The following CSMD1 variants were observed in gnomAD, a reference collection of about 807,000 sequenced individuals.
CSMD1 encodes the protein CUB and sushi domain-containing protein 1.
A neutral mutation model predicts 417.5 loss-of-function variants in CSMD1; 213 were observed. The ratio of observed to expected loss-of-function variants is 0.51; its 90% confidence interval spans 0.46 to 0.57. The LOEUF (loss-of-function observed/expected upper bound fraction) is 0.57. Ranked by LOEUF, CSMD1 falls within the 20% of genes least tolerant of loss-of-function variation. The pLI, the probability that CSMD1 is intolerant of heterozygous loss-of-function variation, is 0.00. For missense variants in CSMD1, 6,923 were observed against 4,529.7 expected, an observed-to-expected ratio of 1.53 and a Z score of -15.17; for synonymous variants, 2,862 against 1,736.8, an observed-to-expected ratio of 1.65 and a Z score of -16.11.
At chr8:3,156,012 T>A (rs757688009) in intron 39 of CSMD1, among the ~76,000 whole-genome samples, 6 of 152,252 alleles carry the variant, frequency 3.9e-5, no homozygotes, top group African/African-American at 1.2e-4. Flanking sequence ...GAAATTAGGC[T>A]GTCAGAAGAA....
chr8:3,076,763 T>A (rs1357461543), intron 49 of CSMD1, among the ~76,000 whole-genome samples: 1 of 152,222 alleles, frequency 6.6e-6, no homozygotes, highest in Non-Finnish European at 1.5e-5. Context: ...TGATGACAAC[T>A]GTGGCCCAGG....
chr8:4,385,727 C>T (rs541342789), intron 3 of CSMD1, among the ~76,000 whole-genome samples: 3 of 152,122 alleles, frequency 2.0e-5, no homozygotes, highest in Non-Finnish European at 2.9e-5. Context: ...TCAACCCATA[C>T]GTTGAAAATT....
intron 3 of CSMD1, among the ~76,000 whole-genome samples, chr8:4,254,224 T>TAG (rs1364602694): frequency 6.6e-6 from 1 of 152,096 alleles, no homozygotes; most frequent in Non-Finnish European, 1.5e-5. Flanking sequence ...GCCTTTCCTT[T>TAG]TATCTTTAGC....
intron 5 of CSMD1, among the ~76,000 whole-genome samples, chr8:3,826,185 C>T (rs1430232919): frequency 6.6e-6 from 1 of 151,960 alleles, no homozygotes; most frequent in African/African-American, 2.4e-5. Flanking sequence ...GTTGAAAGCC[C>T]TGTGGAGGCC....
chr8:4,532,845 G>C (rs1796902102), intron 2 of CSMD1, among the ~76,000 whole-genome samples: 1 of 148,304 alleles, frequency 6.7e-6, no homozygotes, highest in African/African-American at 2.5e-5. Flanking sequence ...CTCCGGAAAA[G>C]AAATGTTGCA....
At chr8:3,083,467 A>T (rs1294264058) in intron 49 of CSMD1, among the ~76,000 whole-genome samples, 5 of 149,116 alleles carry the variant, frequency 3.4e-5, no homozygotes, top group African/African-American at 1.2e-4. Flanking sequence ...AATTTTTCTG[A>T]TTATATATAT....
chr8:4,718,664 C>A (rs1020590815), intron 1 of CSMD1, among the ~76,000 whole-genome samples: 2 of 151,780 alleles, frequency 1.3e-5, no homozygotes, highest in Non-Finnish European at 1.5e-5. Context: ...TTTAAAAAAT[C>A]TATTTTAAAC....
At chr8:4,726,131 C>G (rs748961249) in intron 1 of CSMD1, among the ~76,000 whole-genome samples, 31 of 152,046 alleles carry the variant, frequency 2.0e-4, no homozygotes, top group Non-Finnish European at 1.3e-4. Flanking sequence ...AAGACGTCAT[C>G]TGGGCGAGCC....
intron 3 of CSMD1, among the ~76,000 whole-genome samples, chr8:4,309,895 T>G (rs1798464983): frequency 6.6e-6 from 1 of 152,190 alleles, no homozygotes; most frequent in African/African-American, 2.4e-5. Flanking sequence ...TACATGTGCT[T>G]CAACTATGAA....
At chr8:4,905,523 A>G (rs1466174572) in intron 1 of CSMD1, among the ~76,000 whole-genome samples, 3 of 152,064 alleles carry the variant, frequency 2.0e-5, no homozygotes, top group African/African-American at 4.8e-5. Flanking sequence ...CTAACTCTCT[A>G]AAGAAAAAGA....
At chr8:4,016,356 C>G (rs955818211) in intron 4 of CSMD1, among the ~76,000 whole-genome samples, 2 of 152,144 alleles carry the variant, frequency 1.3e-5, no homozygotes, top group Non-Finnish European at 1.5e-5. Flanking sequence ...ATTTTGCAAT[C>G]TCCTCTTGCC....
intron 10 of CSMD1, among the ~76,000 whole-genome samples, chr8:3,535,054 T>A (rs967247133): frequency 6.6e-6 from 1 of 152,070 alleles, no homozygotes; most frequent in Non-Finnish European, 1.5e-5. Flanking sequence ...CTTAAGCCAG[T>A]CTCCTGCCTC....
At chr8:3,521,551 G>C (rs771313231) in intron 10 of CSMD1, among the ~76,000 whole-genome samples, 8 of 152,094 alleles carry the variant, frequency 5.3e-5, no homozygotes, top group Non-Finnish European at 1.2e-4. Context: ...GTAAACATAA[G>C]TTACTCCCAA....
rs189510855 is a variant in CSMD1 at position 4,198,379 on chromosome 8, T to G, written c.416-166280A>C. 1.7e-3 allele frequency among the ~76,000 whole-genome samples: 252 copies of G among 152,322 alleles called. 2 individuals carry two copies. Among genetic ancestry groups the G allele is most frequent in the Middle Eastern group, 6.8e-3 (2 of 294 alleles). On this transcript the variant is annotated intron_variant, in intron 3 of 69. Coordinates refer to ENST00000635120, the MANE Select transcript of CSMD1 (RefSeq NM_033225.6). ...CAGGAGCCTGAACTTTGTCCTACACTGTGATGGACAGAGACTTTTCAGAAT... is the reference window on the plus strand; with the variant it reads ...CAGGAGCCTGAACTTTGTCCTACACGGTGATGGACAGAGACTTTTCAGAAT...
At chr8:4,458,353 C>G (rs937988901) in intron 2 of CSMD1, among the ~76,000 whole-genome samples, 3 of 151,956 alleles carry the variant, frequency 2.0e-5, no homozygotes, top group African/African-American at 7.3e-5. Context: ...TATCAGTAAT[C>G]ATAATAATGA....
At position 4,758,173 on chromosome 8, in the gene CSMD1, A is replaced by G. The variant is rs113664885; in HGVS notation, c.86-120615T>C. Among the ~76,000 whole-genome samples, 1,005 of 152,138 alleles carry G rather than the reference A, an allele frequency of 6.6e-3. 18 individuals are homozygous for G. Among genetic ancestry groups the G allele is most frequent in the African/African-American group, 0.023 (970 of 41,508 alleles). ...TGTTTTTCTGCTTGGAGGTGTTTGC[A>G]TTTCCTTCTGATAACAAGAGTTACC... is the stretch of plus-strand genomic sequence containing the variant. On this transcript the variant is annotated intron_variant, in intron 1 of 69. Transcript: ENST00000635120.
chr8:3,452,629 G>C (rs1405837494), intron 12 of CSMD1, among the ~76,000 whole-genome samples: 1 of 152,152 alleles, frequency 6.6e-6, no homozygotes, highest in Non-Finnish European at 1.5e-5. Flanking sequence ...TAATTGATTT[G>C]GGTATGTTGA....
chr8:4,583,682 G>C (rs758015304), intron 2 of CSMD1, among the ~76,000 whole-genome samples: 9 of 152,084 alleles, frequency 5.9e-5, no homozygotes, highest in Non-Finnish European at 7.4e-5. Flanking sequence ...TGGGGTCGTG[G>C]AGAACCTTTG....
intron 1 of CSMD1, among the ~76,000 whole-genome samples, chr8:4,954,313 A>C (rs1808943844): frequency 6.6e-6 from 1 of 152,196 alleles, no homozygotes; most frequent in African/African-American, 2.4e-5. Flanking sequence ...GTTTTAAATA[A>C]AGGAAGCTTG....
Sources: allele counts gnomAD v4.1 joint callset (sites outside exome capture counted in the v4.1 genomes callset), GRCh38; gene constraint gnomAD v4.1.1; transcripts MANE v1.5; gene names NCBI Gene and HGNC (gene_info 2026-07-23, HGNC 2026-07-21).